The following UACA variants were observed in gnomAD, a reference collection of about 807,000 sequenced individuals.
The protein encoded by UACA is uveal autoantigen with coiled-coil domains and ankyrin repeats.
A neutral mutation model predicts 160.5 loss-of-function variants in UACA; 112 were observed. The ratio of observed to expected loss-of-function variants is 0.70; its 90% CI spans 0.60 to 0.82. UACA has a LOEUF of 0.82. Ranked by LOEUF, UACA falls within the 40% of genes least tolerant of loss-of-function variation. The pLI, the probability that UACA is intolerant of heterozygous loss-of-function variation, is 0.00. For missense variants in UACA, 1,574 were observed against 1,614.6 expected, an observed-to-expected ratio of 0.97 and a Z score of 0.43; for synonymous variants, 557 against 568.4, an observed-to-expected ratio of 0.98 and a Z score of 0.29.
At chr15:70,714,924 T>C (rs972886747) in intron 1 of UACA, among the ~76,000 whole-genome samples, 4 of 152,208 alleles carry the variant, frequency 2.6e-5, no homozygotes, top group Non-Finnish European at 5.9e-5. Context: ...ATTTTACCCT[T>C]CCTCAAGAGG....
chr15:70,768,486 G>A (rs770514707), upstream of UACA: 2 of 152,122 alleles, frequency 1.3e-5, no homozygotes, highest in Non-Finnish European at 2.9e-5. Context: ...TTGGATTCAG[G>A]TTTAACATCA....
intron 1 of UACA, among the ~76,000 whole-genome samples, chr15:70,761,403 G>GA (rs950922281): frequency 3.8e-4 from 51 of 134,928 alleles, no homozygotes; most frequent in South Asian, 9.5e-4. Context: ...AAGGCAAAAA[G>GA]AAAAAAAAAA....
At chr15:70,673,746 A>G (rs1039539147) in intron 13 of UACA, among the ~76,000 whole-genome samples, 2 of 152,252 alleles carry the variant, frequency 1.3e-5, no homozygotes, top group African/African-American at 2.4e-5. Context: ...TTAAGTTATT[A>G]TACATAACTC....
Position 70,676,980 on chromosome 15 carries a change from G to A in UACA, c.1032+128C>T, listed in dbSNP as rs1225756592. 4 of 704,172 alleles carry A rather than the reference G, an allele frequency of 5.7e-6. No individual in the cohort carries two copies. In the Admixed American group the frequency reaches 8.8e-5, roughly 15 times the overall value. The allele number at this position is 704,172 out of a possible 1,614,324, so 43.6% of individuals were successfully genotyped here. On this transcript the variant is annotated intron_variant, in intron 12 of 18. Transcript: ENST00000322954. ...CCTTTTTTAGTCATCTATAGATTTT[G>A]AATTTCCCTTTAATAACCAGAAATA...
At chr15:70,688,682 T>C (rs563975812) in intron 5 of UACA, among the ~76,000 whole-genome samples, 1 of 152,236 alleles carries the variant, frequency 6.6e-6, no homozygotes, top group Non-Finnish European at 1.5e-5. Flanking sequence ...AATGAGAATT[T>C]AAAAATGTAA....
At chr15:70,746,118 G>C (rs972630347) in intron 1 of UACA, among the ~76,000 whole-genome samples, 2 of 152,098 alleles carry the variant, frequency 1.3e-5, no homozygotes, top group Non-Finnish European at 2.9e-5. Flanking sequence ...GGCAACAAAA[G>C]CCAAAACTGA....
At chr15:70,703,927 T>C (rs570320162) in intron 1 of UACA, among the ~76,000 whole-genome samples, 1 of 152,236 alleles carries the variant, frequency 6.6e-6, no homozygotes, top group African/African-American at 2.4e-5. Context: ...AGAGAGGGCT[T>C]CTCAGACCTC....
chr15:70,702,667 T>C (rs1898407275), intron 1 of UACA, among the ~76,000 whole-genome samples: 1 of 152,228 alleles, frequency 6.6e-6, no homozygotes, highest in Non-Finnish European at 1.5e-5. Flanking sequence ...AATTCTATTT[T>C]AAGCAAACGT....
At chr15:70,757,580 T>C (rs2030506665) in intron 1 of UACA, among the ~76,000 whole-genome samples, 2 of 152,242 alleles carry the variant, frequency 1.3e-5, no homozygotes, top group Non-Finnish European at 2.9e-5. Context: ...ATCAGCTATT[T>C]GGCTACCTTG....
Position 70,660,134 on chromosome 15 carries a change from GAGA to G in UACA, c.4179+14_4179+16del, listed in dbSNP as rs1298666624. On this transcript the variant is annotated intron_variant, in intron 18 of 18. Transcript: ENST00000322954. ...CTCTAAAGCAATATTCTTTCCAAAG[GAGA>G]AGTAGTTCTTTACCTGTGCAGCACT... is the stretch of plus-strand genomic sequence containing the variant. 1 of 1,592,700 alleles carries G rather than the reference GAGA, an allele frequency of 6.3e-7. No homozygotes were observed.
the UACA span, among the ~76,000 whole-genome samples, chr15:70,772,889 G>C: frequency 2.0e-5 from 3 of 152,026 alleles, no homozygotes; most frequent in African/African-American, 7.2e-5. Flanking sequence ...AGGAGTTTGA[G>C]ACCAGCCTGG....
At chr15:70,684,186 G>T in intron 8 of UACA, 79 bp downstream of exon 8, 1 of 1,268,460 alleles carries the variant, frequency 7.9e-7, no homozygotes, top group Non-Finnish European at 1.1e-6. Flanking sequence ...CTTATAAACT[G>T]TAGTTCTACT....
chr15:70,717,236 A>G (rs1167459261), intron 1 of UACA, among the ~76,000 whole-genome samples: 1 of 152,172 alleles, frequency 6.6e-6, no homozygotes, highest in African/African-American at 2.4e-5. Context: ...ACAAACAAAC[A>G]ATGAAACACT....
At chr15:70,774,676 A>G in the UACA span, among the ~76,000 whole-genome samples, 1 of 152,158 alleles carries the variant, frequency 6.6e-6, no homozygotes, top group African/African-American at 2.4e-5. Context: ...CTAGTAAGGT[A>G]TTTATGCTTG....
chr15:70,659,193 A>ATCCCTTGT (rs1193448523), intron 18 of UACA, among the ~76,000 whole-genome samples: 10 of 152,084 alleles, frequency 6.6e-5, no homozygotes, highest in East Asian at 1.9e-4. Context: ...AGTAGCTAAG[A>ATCCCTTGT]TCCCTTGTTC....
At chr15:70,660,397 C>A (rs1165838979) in intron 17 of UACA, 181 bp from the exon 18 acceptor site, 5 of 530,262 alleles carry the variant, frequency 9.4e-6, no homozygotes, top group Non-Finnish European at 1.7e-5. Flanking sequence ...ATATAAACTT[C>A]TGTAAAGAAT....
chr15:70,702,389 G>A, intron 1 of UACA: 1 of 829,814 alleles, frequency 1.2e-6, no homozygotes, highest in African/African-American at 1.8e-5. Flanking sequence ...AGATTCCATA[G>A]GACTTGACAG....
At chr15:70,768,636 A>C in the UACA span, among the ~76,000 whole-genome samples, 1 of 152,348 alleles carries the variant, frequency 6.6e-6, no homozygotes, top group African/African-American at 2.4e-5. Context: ...CCTGGAGCCC[A>C]GATAAACACC....
In UACA at chr15:70,678,199, T is replaced by C. The variant is rs1897357150; in HGVS notation, c.899A>G (p.Glu300Gly). 6.2e-7 allele frequency: 1 copy of C among 1,604,720 alleles called. No homozygotes were observed. The highest frequency in any genetic ancestry group is 8.5e-7 in the Non-Finnish European group (1 of 1,176,790). Reference sequence around the variant, plus strand: ...CTCTTTCAAATCTTCATTTTCAATCTCCAAATCCTTAAATAATAAAGACAA... The same window carrying C: ...CTCTTTCAAATCTTCATTTTCAATCCCCAAATCCTTAAATAATAAAGACAA... ...QREHQNIQDLEIENEDLKERL... is the reference protein window; with the variant it reads ...QREHQNIQDLGIENEDLKERL... Residue 300 changes from glutamate to glycine, a missense_variant, in exon 11 of 19, where the codon GAG becomes GGG. Physicochemically the swap from Glu to Gly is moderately conservative, Grantham distance 98 (BLOSUM62 -2). Transcript: ENST00000322954.
Sources: gnomAD v4.1 joint callset for allele counts (sites outside exome capture counted in the v4.1 genomes callset) on GRCh38, gnomAD v4.1.1 for gene constraint, MANE v1.5 for transcripts, NCBI Gene and HGNC (gene_info 2026-07-23, HGNC 2026-07-21) for gene names.